The following DNAH6 variants were observed in gnomAD, a reference collection of about 807,000 sequenced individuals.
DNAH6 encodes dynein axonemal heavy chain 6.
DNAH6 carries 340 observed loss-of-function variants against 491.4 expected under a neutral mutation model. The observed-to-expected ratio is 0.69, with a 90% CI of 0.63 to 0.76. DNAH6 has a LOEUF of 0.76. DNAH6 is among the 30% of genes least tolerant of loss of function. The pLI, the probability that DNAH6 is intolerant of heterozygous loss-of-function variation, is 0.00. For synonymous variants in DNAH6, 1,603 were observed against 1,686.1 expected (o/e 0.95, Z 1.21); for missense variants, 4,443 against 4,972.2 (o/e 0.89, Z 3.20).
At chr2:84,806,779 C>CT (rs1274607285) in intron 71 of DNAH6, among the ~76,000 whole-genome samples, 1 of 152,152 alleles carries the variant, frequency 6.6e-6, no homozygotes, top group African/African-American at 2.4e-5. Context: ...AAAACAGCAA[C>CT]TGAGTCCTGC....
intron 16 of DNAH6, among the ~76,000 whole-genome samples, 173 bp from the exon 17 acceptor site, chr2:84,593,799 T>C (rs559451711): frequency 2.0e-5 from 3 of 149,068 alleles, no homozygotes; most frequent in Non-Finnish European, 2.9e-5. Context: ...ATGTGGGGTT[T>C]TGTGGAGTTT....
At chr2:84,777,811 C>T in intron 64 of DNAH6, 1 of 1,141,686 alleles carries the variant, frequency 8.8e-7, no homozygotes, top group Non-Finnish European at 1.3e-6. Flanking sequence ...TCTTCCAAGC[C>T]ACATAGGTCA....
chr2:84,554,136 C>T (rs1276006108), intron 10 of DNAH6, among the ~76,000 whole-genome samples: 3 of 152,232 alleles, frequency 2.0e-5, no homozygotes, highest in African/African-American at 4.8e-5. Flanking sequence ...TTCACTTCTT[C>T]AAGGGCAGAT....
intron 18 of DNAH6, among the ~76,000 whole-genome samples, chr2:84,601,739 A>G (rs1685264079): frequency 6.6e-6 from 1 of 151,916 alleles, no homozygotes; most frequent in South Asian, 2.1e-4. Flanking sequence ...GATTGAATCT[A>G]CCATCTTGCT....
chr2:84,523,915 A>G (rs969717727), intron 2 of DNAH6, among the ~76,000 whole-genome samples: 4 of 152,052 alleles, frequency 2.6e-5, no homozygotes, highest in African/African-American at 7.2e-5. Context: ...AGAAGAATGT[A>G]TATTCTGCTG....
intron 37 of DNAH6, among the ~76,000 whole-genome samples, chr2:84,668,931 G>A (rs1017709266): frequency 2.6e-5 from 4 of 151,576 alleles, no homozygotes; most frequent in Admixed American, 2.6e-4. Context: ...TCCCTCAGGG[G>A]GATTACCAGG....
At chr2:84,811,323 T>C (rs1412557298) in intron 72 of DNAH6, among the ~76,000 whole-genome samples, 1 of 152,176 alleles carries the variant, frequency 6.6e-6, no homozygotes. Flanking sequence ...ATTTTCCCAA[T>C]ATATGGCAGT....
At chr2:84,586,724 G>A (rs924593225) in intron 15 of DNAH6, among the ~76,000 whole-genome samples, 1 of 152,132 alleles carries the variant, frequency 6.6e-6, no homozygotes, top group Non-Finnish European at 1.5e-5. Context: ...AGGGGACAGG[G>A]TTAAGTAACT....
rs1687729220 is a variant in DNAH6 at position 84,625,031 on chromosome 2, G to C, written c.4483G>C (p.Val1495Leu). Reference sequence around the variant, plus strand: ...AAAAGCTCTTGCCATCCAGTGTGTGGTCTTTAACTGTTCAGATGGTTTGGA... The same window carrying C: ...AAAAGCTCTTGCCATCCAGTGTGTGCTCTTTAACTGTTCAGATGGTTTGGA... ...LAKALAIQCV[V>L]FNCSDGLDYK... is the part of the protein sequence containing the mutation. Residue 1495 changes from valine to leucine, a missense_variant, in exon 29 of 77, where the codon GTC (valine) becomes CTC (leucine). Around this residue, in one of 3 missense-constraint regions of DNAH6, gnomAD observed 2,977 missense variants for 3,296.6 expected, o/e 0.90. Coordinates refer to ENST00000389394, the MANE Select transcript of DNAH6 (RefSeq NM_001370.2). The C allele has an allele frequency of 1.3e-6, 2 of 1,550,190 alleles. No individual in the cohort carries two copies. Among genetic ancestry groups the C allele is most frequent in the Non-Finnish European group, 8.7e-7 (1 of 1,146,450 alleles).
chr2:84,688,238 CAAAAAA>C (rs34421243), intron 44 of DNAH6, among the ~76,000 whole-genome samples, 195 bp from the exon 45 acceptor site: 1 of 95,832 alleles, frequency 1.0e-5, no homozygotes, highest in South Asian at 3.6e-4. Flanking sequence ...GACTCCATCT[CAAAAAA>C]AAAAAAAAAA....
At chr2:84,730,222 G>A (rs1699011212) in intron 61 of DNAH6, among the ~76,000 whole-genome samples, 1 of 152,212 alleles carries the variant, frequency 6.6e-6, no homozygotes, top group Non-Finnish European at 1.5e-5. Flanking sequence ...TGCAGCTGGA[G>A]ACTGGCTGGT....
Position 84,517,850 on chromosome 2 carries a change from T to C in DNAH6, c.24T>C (p.Ser8=). The C allele has an allele frequency of 6.4e-7, 1 of 1,551,498 alleles. No individual in the cohort carries two copies. The highest frequency in any genetic ancestry group is 2.4e-5 in the East Asian group (1 of 40,922). Residue 8 remains serine, a synonymous_variant, in exon 2 of 77, where the codon AGT becomes AGC. Transcript: ENST00000389394. The stretch of plus-strand genomic sequence containing the variant: ...GGATGACTTTTCGGGCCACAGATAG[T>C]GAATTTGACCTGACAAATATTGAAG... MTFRATD[S]EFDLTNIEEY...
intron 33 of DNAH6, among the ~76,000 whole-genome samples, chr2:84,646,189 A>G (rs573616240): frequency 1.1e-4 from 17 of 152,244 alleles, no homozygotes; most frequent in African/African-American, 3.6e-4. Context: ...TGATGTTACT[A>G]TTGCAGTTGT....
At chr2:84,557,143 C>T (rs1680115893) in intron 10 of DNAH6, among the ~76,000 whole-genome samples, 1 of 152,114 alleles carries the variant, frequency 6.6e-6, no homozygotes, top group African/African-American at 2.4e-5. Flanking sequence ...CCTTGGCTTT[C>T]CTTCCATTAT....
intron 49 of DNAH6, among the ~76,000 whole-genome samples, chr2:84,702,080 C>G (rs1416553701): frequency 5.9e-5 from 9 of 152,162 alleles, no homozygotes; most frequent in Non-Finnish European, 1.3e-4. Flanking sequence ...CAGAGGAAAA[C>G]ATTTTGTTAA....
intron 18 of DNAH6, among the ~76,000 whole-genome samples, chr2:84,596,317 T>TG (rs1399384785): frequency 1.3e-5 from 2 of 151,898 alleles, no homozygotes; most frequent in African/African-American, 4.8e-5. Flanking sequence ...TTAGGGTGTT[T>TG]TTTGTTGTTG....
the DNAH6 span, among the ~76,000 whole-genome samples, chr2:84,504,325 A>G: frequency 1.3e-5 from 2 of 151,940 alleles, no homozygotes; most frequent in Non-Finnish European, 2.9e-5. Flanking sequence ...GTTATCTTGA[A>G]TTTCTTTGAG....
At chr2:84,551,413 A>T (rs554259254) in intron 9 of DNAH6, among the ~76,000 whole-genome samples, 2 of 152,234 alleles carry the variant, frequency 1.3e-5, no homozygotes, top group South Asian at 2.1e-4. Context: ...AAGATATTAT[A>T]CTTTCCTTAC....
chr2:84,752,092 G>A (rs1673525290), intron 63 of DNAH6, among the ~76,000 whole-genome samples: 1 of 152,174 alleles, frequency 6.6e-6, no homozygotes, highest in Non-Finnish European at 1.5e-5. Flanking sequence ...ACCTCACAAA[G>A]AAGGCAGTTT....
Sources: allele counts gnomAD v4.1 joint callset (sites outside exome capture counted in the v4.1 genomes callset), GRCh38; gene constraint gnomAD v4.1.1; regional missense constraint gnomAD v4.1.1; transcripts MANE v1.5; gene names NCBI Gene and HGNC (gene_info 2026-07-23, HGNC 2026-07-21).